The following RAB18 variants were observed in gnomAD, a reference collection of about 807,000 sequenced individuals.
RAB18 encodes the protein RAB18, member RAS oncogene family, also known as ras-related protein Rab-18.
RAB18 carries 10 observed loss-of-function variants against 28.5 expected under a neutral mutation model. The observed-to-expected ratio is 0.35, with a 90% CI of 0.22 to 0.60. The LOEUF is 0.60. RAB18 is among the 20% of genes least tolerant of loss of function. The pLI is 0.78. For synonymous variants in RAB18, 93 were observed against 86.9 expected (o/e 1.07, Z -0.39); for missense variants, 188 against 244.2 (o/e 0.77, Z 1.53).
chr10:27,535,245 A>T (rs1292845446), intron 6 of RAB18, among the ~76,000 whole-genome samples: 1 of 151,064 alleles, frequency 6.6e-6, no homozygotes, highest in Non-Finnish European at 1.5e-5. Flanking sequence ...TCCTTAAAAC[A>T]TTATGAGATT....
In RAB18 at chr10:27,536,935, G is replaced by A. The variant is rs1589592633; in HGVS notation, c.446-941G>A. Among the ~76,000 whole-genome samples, 6 of 152,342 alleles carry A rather than the reference G, an allele frequency of 3.9e-5. 1 individual carries two copies. In the South Asian group the frequency reaches 1.2e-3, roughly 32 times the overall value. On this transcript the variant is annotated intron_variant, in intron 6 of 6. Coordinates refer to ENST00000356940, the MANE Select transcript of RAB18 (RefSeq NM_021252.5). ...CTCTTTAGAAGAGGTTTCAAAGAGA[G>A]TGGAGAAATGGGTGGCTACAAGAAG...
At chr10:27,525,304 T>C (rs1834649665) in intron 2 of RAB18, among the ~76,000 whole-genome samples, 1 of 152,174 alleles carries the variant, frequency 6.6e-6, no homozygotes, top group Non-Finnish European at 1.5e-5. Flanking sequence ...CTTGAGAATT[T>C]AACTGTAGAG....
In RAB18 at chr10:27,504,311, T is replaced by A. The variant is rs760745895; in HGVS notation, c.-59T>A. On this transcript the variant is annotated 5_prime_UTR_variant, in exon 1 of 7. Transcript: ENST00000356940. Reference sequence around the variant, plus strand: ...GCGCATGCGCAGCAGCTCACTCTGCTGAAGGGCTGAGAGGCGCACCCGGGC... The same window carrying A: ...GCGCATGCGCAGCAGCTCACTCTGCAGAAGGGCTGAGAGGCGCACCCGGGC... The A allele has an allele frequency of 2.0e-6, 3 of 1,519,016 alleles. No homozygotes were observed. The highest frequency in any genetic ancestry group is 2.7e-6 in the Non-Finnish European group (3 of 1,121,354). The allele number at this position is 1,519,016 out of a possible 1,614,324, so 94.1% of individuals were successfully genotyped here. A position where few individuals can be genotyped will look rare whatever the true frequency, so the allele number is the denominator to read the frequency against.
At chr10:27,520,599 C>T (rs1046832658) in intron 2 of RAB18, among the ~76,000 whole-genome samples, 1 of 151,752 alleles carries the variant, frequency 6.6e-6, no homozygotes, top group Admixed American at 6.6e-5. Flanking sequence ...GTTTTATTTC[C>T]TTTATAATAT....
intron 1 of RAB18, among the ~76,000 whole-genome samples, chr10:27,508,410 G>T (rs1214429024): frequency 1.4e-5 from 2 of 144,530 alleles, no homozygotes; most frequent in Non-Finnish European, 3.0e-5. Flanking sequence ...TTATTATTAT[G>T]ATATTATTAC....
intron 1 of RAB18, 84 bp downstream of exon 1, chr10:27,504,521 C>T: frequency 6.9e-7 from 1 of 1,442,366 alleles, no homozygotes; most frequent in Non-Finnish European, 9.5e-7. Flanking sequence ...GCGACGGGAA[C>T]TGTAAACTGC....
At chr10:27,505,971 T>C (rs867130643) in intron 1 of RAB18, among the ~76,000 whole-genome samples, 1 of 152,218 alleles carries the variant, frequency 6.6e-6, no homozygotes, top group South Asian at 2.1e-4. Context: ...CCAGCATGAT[T>C]TGTCTGTGTG....
At chr10:27,519,300 G>A (rs1237630469) in intron 2 of RAB18, among the ~76,000 whole-genome samples, 2 of 151,926 alleles carry the variant, frequency 1.3e-5, no homozygotes, top group Non-Finnish European at 2.9e-5. Context: ...ACCTGATAAA[G>A]GATATCTATA....
rs577985244 is a variant in RAB18, at chr10:27,539,895, T to C, written c.*1844T>C. On this transcript the variant is annotated 3_prime_UTR_variant, in exon 7 of 7. Transcript: ENST00000356940. ...TCATCAGCTGAAGAATATGTACTAT[T>C]GTGTTACTCAAATTATGTGGCTTTC... is the stretch of plus-strand genomic sequence containing the variant. The C allele has an allele frequency of 2.2e-6, 1 of 453,650 alleles. No individual in the cohort carries two copies. The highest frequency in any genetic ancestry group is 1.6e-5 in the South Asian group (1 of 64,312). The allele number at this position is 453,650 out of a possible 1,614,324, so 28.1% of individuals were successfully genotyped here. A position where few individuals can be genotyped will look rare whatever the true frequency, so the allele number is the denominator to read the frequency against.
intron 2 of RAB18, among the ~76,000 whole-genome samples, chr10:27,526,297 ATTTT>A (rs1156932434): frequency 6.6e-6 from 1 of 152,144 alleles, no homozygotes; most frequent in Non-Finnish European, 1.5e-5. Flanking sequence ...TAAAAATAGT[ATTTT>A]TTTAGGATAA....
chr10:27,536,355 G>A (rs1474422902), intron 6 of RAB18, among the ~76,000 whole-genome samples: 5 of 152,088 alleles, frequency 3.3e-5, no homozygotes, highest in Admixed American at 3.3e-4. Context: ...AAGGGCTGAA[G>A]AAGCCTGGGC....
chr10:27,508,319 T>C (rs1346611527), intron 1 of RAB18, among the ~76,000 whole-genome samples: 2 of 152,228 alleles, frequency 1.3e-5, no homozygotes, highest in Non-Finnish European at 2.9e-5. Flanking sequence ...GGATTAGCAA[T>C]TATGAGAGAA....
intron 2 of RAB18, among the ~76,000 whole-genome samples, chr10:27,516,810 T>C (rs968168706): frequency 6.6e-6 from 1 of 152,180 alleles, no homozygotes; most frequent in African/African-American, 2.4e-5. Flanking sequence ...CTTCTCTTAA[T>C]AATTCAAATT....
rs1194213756 is a variant in RAB18, at chr10:27,540,342, C to T, written c.*2291C>T. On this transcript the variant is annotated 3_prime_UTR_variant, in exon 7 of 7. Transcript: ENST00000356940. ...CCCAAAGATCACATAGCTACTCAGT[C>T]ACTGAGCTGGATTCCAGTCATGGCA... 8.8e-6 allele frequency: 4 copies of T among 453,964 alleles called. No homozygotes were observed. Among genetic ancestry groups the T allele is most frequent in the Non-Finnish European group, 1.8e-5 (4 of 226,776 alleles). The allele number at this position is 453,964 out of a possible 1,614,324, so 28.1% of individuals were successfully genotyped here.
chr10:27,511,244 C>A (rs1258587092), intron 2 of RAB18, among the ~76,000 whole-genome samples: 1 of 152,204 alleles, frequency 6.6e-6, no homozygotes, highest in Non-Finnish European at 1.5e-5. Context: ...AGCTCTGTCG[C>A]TCAGGCTGAG....
Position 27,504,672 on chromosome 10 carries a change from C to G in RAB18, c.68+235C>G, listed in dbSNP as rs537746130. 1.2e-4 allele frequency: 90 copies of G among 733,044 alleles called. 1 individual carries two copies. In the South Asian group the frequency reaches 1.2e-3, roughly 10 times the overall value. 45.4% of individuals were successfully genotyped at this position (733,044 alleles called of 1,614,324 possible). The stretch of plus-strand genomic sequence containing the variant: ...GGCCCAAGTTCTCTGGGTCGCTCTC[C>G]CTCCTGTAGCGCCGAGAAAACACCA... On this transcript the variant is annotated intron_variant, in intron 1 of 6. Coordinates refer to ENST00000356940, the MANE Select transcript of RAB18 (RefSeq NM_021252.5).
At chr10:27,505,217 G>A (rs751793974) in intron 1 of RAB18, 1 of 501,290 alleles carries the variant, frequency 2.0e-6, no homozygotes, top group Non-Finnish European at 4.1e-6. Context: ...GGTGGATGTT[G>A]CTAGAGGGCT....
chr10:27,510,081 C>T (rs1834296445), intron 2 of RAB18, 151 bp downstream of exon 2: 1 of 681,820 alleles, frequency 1.5e-6, no homozygotes, highest in African/African-American at 1.8e-5. Context: ...ATTTTGGTAT[C>T]ATTAAATCTT....
chr10:27,530,508 G>A (rs1017881223), intron 3 of RAB18, among the ~76,000 whole-genome samples: 1 of 150,500 alleles, frequency 6.6e-6, no homozygotes, highest in African/African-American at 2.4e-5. Flanking sequence ...AAGTTATAAT[G>A]TATCTGGATA....
Sources: gnomAD v4.1 joint callset for allele counts (sites outside exome capture counted in the v4.1 genomes callset) on GRCh38, gnomAD v4.1.1 for gene constraint, MANE v1.5 for transcripts, NCBI Gene and HGNC (gene_info 2026-07-23, HGNC 2026-07-21) for gene names.